MYPN: variants seen among roughly 807,000 people sequenced by gnomAD.
MYPN encodes the protein sarcomeric protein myopalladin, 145 kDa (MYOP).
In MYPN, 63 loss-of-function variants were observed where a neutral mutation model predicts 129.4. The observed-to-expected ratio is 0.49, with a 90% CI of 0.40 to 0.60. The LOEUF is 0.60. Among genes scored for constraint, MYPN ranks in the 20% least tolerant of loss-of-function variants. MYPN has a pLI of 0.00. For synonymous variants in MYPN, 629 were observed against 600.9 expected, an observed-to-expected ratio of 1.05 and a Z score of -0.68; for missense variants, 1,596 against 1,635.4, an observed-to-expected ratio of 0.98 and a Z score of 0.42.
At chr10:68,131,728 C>A (rs572888404) in intron 2 of MYPN, among the ~76,000 whole-genome samples, 1 of 152,256 alleles carries the variant, frequency 6.6e-6, no homozygotes, top group South Asian at 2.1e-4. Context: ...GTAATCTTTT[C>A]TCTGGGTCTT....
intron 14 of MYPN, among the ~76,000 whole-genome samples, chr10:68,195,043 C>G (rs944899164): frequency 1.3e-5 from 2 of 152,202 alleles, no homozygotes; most frequent in Non-Finnish European, 2.9e-5. Flanking sequence ...GAATAAACAT[C>G]TTCAATTACT....
In MYPN at chr10:68,101,032, C is replaced by G. The variant is rs1303363273; in HGVS notation, c.-2+13040C>G. ...TTGATTGACTGAATAAGACAGTTTA[C>G]ACATCATTTTTATGGCATGCCACAG... On this transcript the variant is annotated intron_variant, in intron 1 of 6. Coordinates refer to the MYPN transcript ENST00000685154. Among the ~76,000 whole-genome samples, 4 of 152,296 alleles carry G rather than the reference C, an allele frequency of 2.6e-5. No homozygotes were observed. In the East Asian group the frequency reaches 7.7e-4, roughly 29 times the overall value.
intron 2 of MYPN, among the ~76,000 whole-genome samples, chr10:68,137,365 T>C (rs545581419): frequency 6.6e-6 from 1 of 152,328 alleles, no homozygotes; most frequent in South Asian, 2.1e-4. Flanking sequence ...AGTATTTTAA[T>C]AGTCTTTTCA....
chr10:68,161,214 G>A (rs1278626221), intron 7 of MYPN, among the ~76,000 whole-genome samples: 2 of 152,054 alleles, frequency 1.3e-5, no homozygotes, highest in Non-Finnish European at 2.9e-5. Context: ...GTTGCTCTTG[G>A]GCAAGGCACA....
chr10:68,166,645 C>T lies in MYPN; in HGVS notation c.1952C>T (p.Pro651Leu), dbSNP rs548318517. The part of the protein sequence containing the change: ...EPSSPVKEPP[P>L]VLAKPKLDST... ...TCTTCCCCCGTGAAAGAGCCCCCTC[C>T]AGTTCTGGCCAAACCCAAACTGTAA... Residue 651 changes from proline to leucine, a missense_variant, in exon 10 of 20, where the codon CCA (proline) becomes CTA (leucine). Physicochemically the swap from Pro to Leu is moderately conservative, Grantham distance 98 (BLOSUM62 -3). Coordinates refer to ENST00000358913, the MANE Select transcript of MYPN (RefSeq NM_032578.4). The T allele has an allele frequency of 1.2e-6, 2 of 1,613,880 alleles. No homozygotes were observed. The highest frequency in any genetic ancestry group is 2.2e-5 in the East Asian group (1 of 44,880).
chr10:68,182,323 CAT>C (rs541704707), intron 12 of MYPN, among the ~76,000 whole-genome samples: 1,875 of 63,760 alleles, frequency 0.029, 118 homozygotes, highest in African/African-American at 0.078. Context: ...ATATATATAA[CAT>C]ATATATAACA....
Position 68,211,353 on chromosome 10 carries a change from C to A in MYPN, c.*898C>A, listed in dbSNP as rs1205399832. ...CCTCATGGGCTCCTACCCCTTTCCC[C>A]AAAAGTCTGAAAGTGTAGGAGGAAG... On this transcript the variant is annotated 3_prime_UTR_variant, in exon 20 of 20. Transcript: ENST00000358913. 1 of 451,622 alleles carries A rather than the reference C, an allele frequency of 2.2e-6. No individual in the cohort carries two copies. The highest frequency in any genetic ancestry group is 1.6e-5 in the South Asian group (1 of 64,230). The allele number at this position is 451,622 out of a possible 1,614,324, so 28.0% of individuals were successfully genotyped here.
intron 2 of MYPN, among the ~76,000 whole-genome samples, chr10:68,132,316 T>A (rs1036364026): frequency 2.0e-5 from 3 of 152,226 alleles, no homozygotes; most frequent in African/African-American, 7.2e-5. Context: ...GTTAAACCAA[T>A]CTTGAATTCT....
intron 11 of MYPN, among the ~76,000 whole-genome samples, chr10:68,175,093 A>C (rs1276067458): frequency 6.6e-6 from 1 of 152,050 alleles, no homozygotes; most frequent in East Asian, 1.9e-4. Context: ...CCGAGATCAC[A>C]CCACTGCACT....
chr10:68,126,185 T>A (rs1589533272), intron 2 of MYPN, among the ~76,000 whole-genome samples: 1 of 152,094 alleles, frequency 6.6e-6, no homozygotes, highest in Non-Finnish European at 1.5e-5. Flanking sequence ...AGATTAGAGA[T>A]AAGGTTGAAG....
At chr10:68,189,276 A>G in intron 13 of MYPN, 150 bp downstream of exon 13, 1 of 665,556 alleles carries the variant, frequency 1.5e-6, no homozygotes, top group Non-Finnish European at 2.7e-6. Context: ...GGTATATGCA[A>G]TATTTTGATA....
chr10:68,090,018 G>A lies in MYPN; in HGVS notation c.-2+2026G>A, dbSNP rs140933082. ...TATGATGTAGTGTGTCTAGAATAGC[G>A]CCTTGCAGGTATTAGATTATTAGTA... On this transcript the variant is annotated intron_variant, in intron 1 of 6. Coordinates refer to the MYPN transcript ENST00000685154. Among the ~76,000 whole-genome samples, 32 of 152,162 alleles carry A rather than the reference G, an allele frequency of 2.1e-4. No individual in the cohort carries two copies. In the East Asian group the frequency reaches 4.4e-3, roughly 21 times the overall value.
chr10:68,091,393 CTTTT>C (rs11301512), intron 1 of MYPN, among the ~76,000 whole-genome samples: 2 of 106,756 alleles, frequency 1.9e-5, no homozygotes, highest in Non-Finnish European at 3.5e-5. Flanking sequence ...GACTACAGCC[CTTTT>C]TTTTTTTTTT....
chr10:68,173,690 C>T (rs2043178112), intron 10 of MYPN, among the ~76,000 whole-genome samples: 1 of 151,730 alleles, frequency 6.6e-6, no homozygotes, highest in Admixed American at 6.6e-5. Flanking sequence ...CAATCTCCGC[C>T]TCCAGGCTCA....
At position 68,194,386 on chromosome 10, in the gene MYPN, G is replaced by A. The variant is rs375015526; in HGVS notation, c.2949G>A (p.Lys983=). Residue 983 remains lysine (K), a synonymous_variant, in exon 14 of 20, where the codon AAG becomes AAA. Transcript: ENST00000358913. ...AGGTTTACTGGTTCAAAGATGGGAA[G>A]CAGATTTCTAAGAGAAATGAGCACT... ...VPKVYWFKDG[K]QISKRNEHCK... The A allele has an allele frequency of 3.2e-5, 51 of 1,613,524 alleles. 1 individual carries two copies. The South Asian group carries it at 4.8e-4, about 15-fold the overall frequency.
chr10:68,184,210 GC>G (rs1251808251), intron 12 of MYPN, among the ~76,000 whole-genome samples: 2 of 152,146 alleles, frequency 1.3e-5, no homozygotes, highest in African/African-American at 4.8e-5. Context: ...AGCAAGCAAA[GC>G]CTTTGTAAAG....
chr10:68,161,923 G>C lies in MYPN; in HGVS notation c.1483+171G>C, dbSNP rs927722136. On this transcript the variant is annotated intron_variant, in intron 8 of 19. Coordinates refer to ENST00000358913, the MANE Select transcript of MYPN (RefSeq NM_032578.4). ...CATGTCTGTAATTCCAGCACTTTGC[G>C]AGGCCGAGGCGGGCGGATTACTTGA... 5.7e-6 allele frequency: 3 copies of C among 523,460 alleles called. No individual in the cohort carries two copies. The East Asian group carries it at 9.7e-5, about 17-fold the overall frequency. The allele number at this position is 523,460 out of a possible 1,614,324, so 32.4% of individuals were successfully genotyped here. A position where few individuals can be genotyped will look rare whatever the true frequency, so the allele number is the denominator to read the frequency against.
At chr10:68,105,084 A>C (rs2042002098), upstream of MYPN, among the ~76,000 whole-genome samples, 1 of 152,130 alleles carries the variant, frequency 6.6e-6, no homozygotes. Flanking sequence ...TGCCCGGCCT[A>C]ATATGTTTTC....
chr10:68,110,799 C>T (rs528415110), intron 1 of MYPN, among the ~76,000 whole-genome samples: 7 of 152,254 alleles, frequency 4.6e-5, no homozygotes, highest in African/African-American at 1.4e-4. Context: ...CTGTCCGACA[C>T]ATGATTTGAC....
Sources: allele counts gnomAD v4.1 joint callset (sites outside exome capture counted in the v4.1 genomes callset), GRCh38; gene constraint gnomAD v4.1.1; transcripts MANE v1.5; gene names NCBI Gene and HGNC (gene_info 2026-07-23, HGNC 2026-07-21).